The following GXYLT1 variants were observed in gnomAD, a reference collection of about 807,000 sequenced individuals.
GXYLT1 encodes the protein glycosyltransferase 8 domain containing 3.
Under a neutral mutation model 54.0 loss-of-function variants are expected in GXYLT1, and 29 were observed. That is an observed-to-expected ratio of 0.54 (90% CI 0.40 to 0.73). GXYLT1 has a LOEUF of 0.73. GXYLT1 is among the 30% of genes least tolerant of loss of function. The probability of loss-of-function intolerance (pLI) is 0.00; values close to 1 mark genes in which losing one functional copy is unlikely to be tolerated. For synonymous variants in GXYLT1, 176 were observed against 204.1 expected (o/e 0.86, Z 1.17); for missense variants, 490 against 553.4 (o/e 0.89, Z 1.15).
chr12:42,128,873 C>A (rs983316041), intron 2 of GXYLT1, among the ~76,000 whole-genome samples: 4 of 151,962 alleles, frequency 2.6e-5, no homozygotes, highest in Non-Finnish European at 4.4e-5. Flanking sequence ...CAGGGTCTTG[C>A]TTTTGTTGCC....
At chr12:42,093,893 G>C (rs1217123270) in intron 7 of GXYLT1, among the ~76,000 whole-genome samples, 1 of 152,034 alleles carries the variant, frequency 6.6e-6, no homozygotes, top group East Asian at 1.9e-4. Context: ...ATTTGGAAAA[G>C]AGTCAAATAG....
intron 7 of GXYLT1, among the ~76,000 whole-genome samples, chr12:42,094,386 G>C (rs1479858998): frequency 4.9e-5 from 7 of 142,334 alleles, no homozygotes; most frequent in African/African-American, 1.3e-4. Context: ...GGCTGGGCTT[G>C]ATGACTCATG....
chr12:42,108,200 C>T (rs12813181), intron 4 of GXYLT1, among the ~76,000 whole-genome samples: 21,717 of 152,138 alleles, frequency 0.14, 1,686 homozygotes, highest in Non-Finnish European at 0.18. Flanking sequence ...TTTCATGTAA[C>T]AACATCAACA....
intron 2 of GXYLT1, among the ~76,000 whole-genome samples, chr12:42,123,907 T>A (rs1365347073): frequency 1.3e-5 from 2 of 151,172 alleles, no homozygotes; most frequent in African/African-American, 4.9e-5. Context: ...TTTCTCTTAC[T>A]ATTAAAAGAG....
chr12:42,124,472 T>C (rs1387525930), intron 2 of GXYLT1, among the ~76,000 whole-genome samples: 2 of 152,056 alleles, frequency 1.3e-5, no homozygotes, highest in Non-Finnish European at 2.9e-5. Flanking sequence ...AAAAATTCAA[T>C]AGATAACTAT....
In GXYLT1 at chr12:42,083,347, C is replaced by T. The variant is rs1322223167; in HGVS notation, c.*4439G>A. On this transcript the variant is annotated 3_prime_UTR_variant, in exon 8 of 8. Transcript: ENST00000398675. ...GCTTTGGCAATGGATAAAAGAATAACTGTTATAATACAAATCTTTATTTAA... is the reference window on the plus strand; with the variant it reads ...GCTTTGGCAATGGATAAAAGAATAATTGTTATAATACAAATCTTTATTTAA... The T allele has an allele frequency of 2.7e-5, 3 of 111,516 alleles. No individual in the cohort carries two copies. Among genetic ancestry groups the T allele is most frequent in the African/African-American group, 6.8e-5 (2 of 29,312 alleles). 6.9% of individuals were successfully genotyped at this position (111,516 alleles called of 1,614,324 possible). A position where few individuals can be genotyped will look rare whatever the true frequency, so the allele number is the denominator to read the frequency against.
chr12:42,098,637 G>T (rs1478367095), intron 5 of GXYLT1, among the ~76,000 whole-genome samples: 1 of 151,254 alleles, frequency 6.6e-6, no homozygotes, highest in Admixed American at 6.6e-5. Flanking sequence ...TATGAGTTTT[G>T]TGTCTACTTG....
At chr12:42,139,099 G>T (rs965344403) in intron 1 of GXYLT1, among the ~76,000 whole-genome samples, 1 of 151,590 alleles carries the variant, frequency 6.6e-6, no homozygotes, top group Non-Finnish European at 1.5e-5. Context: ...GGGAAGCTAA[G>T]GTGGGAGGAT....
intron 4 of GXYLT1, among the ~76,000 whole-genome samples, chr12:42,107,988 T>C (rs1216657739): frequency 6.6e-6 from 1 of 152,172 alleles, no homozygotes; most frequent in African/African-American, 2.4e-5. Flanking sequence ...GTTCTTTTCA[T>C]GCATCTATTT....
intron 5 of GXYLT1, among the ~76,000 whole-genome samples, chr12:42,101,358 A>G (rs1037193520): frequency 6.6e-6 from 1 of 152,188 alleles, no homozygotes; most frequent in African/African-American, 2.4e-5. Flanking sequence ...ATTTTAAAAT[A>G]TATTTTCAGC....
At chr12:42,116,015 AAC>A (rs1172177077) in intron 3 of GXYLT1, among the ~76,000 whole-genome samples, 1 of 151,852 alleles carries the variant, frequency 6.6e-6, no homozygotes, top group Non-Finnish European at 1.5e-5. Context: ...ACCTGACAAA[AAC>A]AAGCAATGGG....
intron 2 of GXYLT1, among the ~76,000 whole-genome samples, chr12:42,127,556 G>A (rs1196262135): frequency 1.3e-5 from 2 of 152,158 alleles, no homozygotes; most frequent in Admixed American, 1.3e-4. Context: ...AAAACAAAAG[G>A]AATGGTAAGC....
chr12:42,129,539 TG>T (rs1218281836), intron 2 of GXYLT1, among the ~76,000 whole-genome samples: 1 of 152,184 alleles, frequency 6.6e-6, no homozygotes, highest in Non-Finnish European at 1.5e-5. Flanking sequence ...AACAGTGGTT[TG>T]TCTTAATAAC....
intron 3 of GXYLT1, among the ~76,000 whole-genome samples, chr12:42,111,389 G>C (rs954732065): frequency 2.6e-5 from 4 of 152,222 alleles, no homozygotes; most frequent in Admixed American, 6.5e-5. Flanking sequence ...GTCAAAGAAA[G>C]GGGTGACAGA....
intron 1 of GXYLT1, 54 bp from the exon 2 acceptor site, chr12:42,129,905 T>A: frequency 9.0e-7 from 1 of 1,116,734 alleles, no homozygotes; most frequent in Non-Finnish European, 1.4e-6. Flanking sequence ...GGTTTGGAAC[T>A]AACAAGGAAT....
At chr12:42,113,416 A>C (rs972153469) in intron 3 of GXYLT1, among the ~76,000 whole-genome samples, 2 of 151,184 alleles carry the variant, frequency 1.3e-5, no homozygotes, top group Admixed American at 6.6e-5. Context: ...ACATAGGCTC[A>C]AAATAAAAGG....
chr12:42,121,947 C>T (rs1202577846), intron 2 of GXYLT1, among the ~76,000 whole-genome samples: 1 of 152,100 alleles, frequency 6.6e-6, no homozygotes, highest in African/African-American at 2.4e-5. Context: ...GGAAAAAAAT[C>T]TAAAGTAAGC....
intron 1 of GXYLT1, among the ~76,000 whole-genome samples, chr12:42,130,127 A>G (rs891011219): frequency 6.6e-6 from 1 of 152,196 alleles, no homozygotes; most frequent in Admixed American, 6.5e-5. Flanking sequence ...TCCCCTCCTC[A>G]GATAACACAG....
In GXYLT1 at chr12:42,091,486, A is replaced by G. The variant is rs140848831; in HGVS notation, c.1162-3539T>C. On this transcript the variant is annotated intron_variant, in intron 7 of 7. Transcript: ENST00000398675. ...GGAATGCATTTCTTTTCTATCCTGC[A>G]AAGTCTCAGAACCCCACAAGCACTT... 4.6e-3 allele frequency among the ~76,000 whole-genome samples: 695 copies of G among 152,266 alleles called. 7 individuals are homozygous for G. The highest frequency in any genetic ancestry group is 0.015 in the African/African-American group (637 of 41,562).
Sources: allele counts gnomAD v4.1 joint callset (sites outside exome capture counted in the v4.1 genomes callset), GRCh38; gene constraint gnomAD v4.1.1; transcripts MANE v1.5; gene names NCBI Gene and HGNC (gene_info 2026-07-23, HGNC 2026-07-21).